Variants in MLLT3 observed in about 807,000 individuals in gnomAD.
The protein encoded by MLLT3 is MLLT3 super elongation complex subunit, also known as protein AF-9.
Under a neutral mutation model 53.2 loss-of-function variants are expected in MLLT3, and 4 were observed. The observed-to-expected ratio is 0.08, with a 90% CI of 0.04 to 0.17. The LOEUF is 0.17. MLLT3 is among the 10% of genes least tolerant of loss of function. The pLI is 1.00. For synonymous variants in MLLT3, 283 were observed against 230.6 expected (o/e 1.23, Z -2.06); for missense variants, 569 against 684.0 (o/e 0.83, Z 1.87).
intron 5 of MLLT3, among the ~76,000 whole-genome samples, chr9:20,366,383 T>G (rs1433305916): frequency 5.3e-5 from 8 of 152,222 alleles, no homozygotes; most frequent in Admixed American, 3.3e-4. Flanking sequence ...ACTCATCCTT[T>G]TTATGGCTGC....
chr9:20,583,860 C>T (rs996917900), intron 2 of MLLT3, among the ~76,000 whole-genome samples: 2 of 152,244 alleles, frequency 1.3e-5, no homozygotes, highest in African/African-American at 4.8e-5. Flanking sequence ...CTAACATGGC[C>T]TGAAGACATT....
At chr9:20,570,389 CACTT>C (rs1819504546) in intron 2 of MLLT3, among the ~76,000 whole-genome samples, 1 of 152,126 alleles carries the variant, frequency 6.6e-6, no homozygotes, top group Non-Finnish European at 1.5e-5. Flanking sequence ...TATTCACTAA[CACTT>C]AAGAGAAATG....
At chr9:20,461,986 A>G (rs185166934) in intron 2 of MLLT3, among the ~76,000 whole-genome samples, 1 of 152,092 alleles carries the variant, frequency 6.6e-6, no homozygotes, top group Admixed American at 6.5e-5. Context: ...TTCCTGCTTC[A>G]CTTCTACCAC....
chr9:20,469,473 T>C (rs964626519), intron 2 of MLLT3, among the ~76,000 whole-genome samples: 4 of 152,124 alleles, frequency 2.6e-5, no homozygotes, highest in Admixed American at 2.0e-4. Context: ...CCTGCCACTA[T>C]GCAGTCAATC....
intron 2 of MLLT3, among the ~76,000 whole-genome samples, chr9:20,585,238 G>A (rs1819921590): frequency 1.3e-5 from 2 of 152,080 alleles, no homozygotes; most frequent in South Asian, 2.1e-4. Flanking sequence ...CAACCGGGGG[G>A]CAGGCAGGCC....
At chr9:20,436,718 T>C (rs767873674) in intron 4 of MLLT3, among the ~76,000 whole-genome samples, 1 of 152,178 alleles carries the variant, frequency 6.6e-6, no homozygotes, top group Non-Finnish European at 1.5e-5. Flanking sequence ...ATTTGATGCC[T>C]TAGTTTACTC....
At chr9:20,473,219 C>T (rs1824438325) in intron 2 of MLLT3, among the ~76,000 whole-genome samples, 1 of 152,082 alleles carries the variant, frequency 6.6e-6, no homozygotes. Flanking sequence ...TTTCTTATTG[C>T]TTCAGTTACA....
chr9:20,462,167 A>G (rs768541337), intron 2 of MLLT3, among the ~76,000 whole-genome samples: 6 of 152,238 alleles, frequency 3.9e-5, no homozygotes, highest in Non-Finnish European at 8.8e-5. Flanking sequence ...AGACATTTTG[A>G]AAACAAAAAT....
At chr9:20,504,277 T>C (rs1426129102) in intron 2 of MLLT3, among the ~76,000 whole-genome samples, 1 of 152,052 alleles carries the variant, frequency 6.6e-6, no homozygotes, top group Non-Finnish European at 1.5e-5. Context: ...ATAGTCAAGA[T>C]ATGGAATCAA....
intron 6 of MLLT3, 117 bp downstream of exon 6, chr9:20,365,552 G>T: frequency 1.7e-6 from 2 of 1,171,644 alleles, no homozygotes; most frequent in Non-Finnish European, 2.5e-6. Context: ...GTTTCACCGT[G>T]TTAGCTAGGA....
At chr9:20,483,698 CTTTTTTTTTT>C (rs10538657) in intron 2 of MLLT3, among the ~76,000 whole-genome samples, 149 of 68,936 alleles carry the variant, frequency 2.2e-3, no homozygotes, top group Middle Eastern at 0.012. Context: ...CAGTAAAACT[CTTTTTTTTTT>C]TTTTTTTTTT....
chr9:20,520,285 A>G (rs543532854), intron 2 of MLLT3, among the ~76,000 whole-genome samples: 49 of 152,250 alleles, frequency 3.2e-4, no homozygotes, highest in African/African-American at 1.2e-3. Flanking sequence ...TAATCTGTAC[A>G]ACAAACCTCT....
intron 5 of MLLT3, among the ~76,000 whole-genome samples, chr9:20,383,612 ACT>A (rs1821958279): frequency 6.6e-6 from 1 of 151,968 alleles, no homozygotes; most frequent in African/African-American, 2.4e-5. Flanking sequence ...ATAAATGATG[ACT>A]AAATATTAGT....
In MLLT3 at chr9:20,620,600, A is replaced by C; in HGVS notation, c.193+54T>G. On this transcript the variant is annotated intron_variant, in intron 2 of 10. Transcript: ENST00000380338. The surrounding 1 kb of genome is among the most constrained non-coding windows in gnomAD (Gnocchi z 6.1). ...CGGGACAGCGGGACCGCCCGGGCCA[A>C]GCGATTGTTTCAAAGACATTTTTTA... 6.5e-7 allele frequency: 1 copy of C among 1,540,366 alleles called. No individual in the cohort carries two copies. The highest frequency in any genetic ancestry group is 1.2e-5 in the South Asian group (1 of 83,358).
chr9:20,378,780 T>C (rs946082261), intron 5 of MLLT3, among the ~76,000 whole-genome samples: 1 of 152,070 alleles, frequency 6.6e-6, no homozygotes, highest in African/African-American at 2.4e-5. Context: ...TCCCTCTATC[T>C]TAGTGAAAAT....
In MLLT3 at chr9:20,343,530, A is replaced by C. The variant is rs1820792555; in HGVS notation, c.*2913T>G. Reference sequence around the variant, plus strand: ...CATCCGAAGACAGAAGGAACCCCAAACCCACCAACACACATCCTGCTGCAA... The same window carrying C: ...CATCCGAAGACAGAAGGAACCCCAACCCCACCAACACACATCCTGCTGCAA... On this transcript the variant is annotated 3_prime_UTR_variant, in exon 11 of 11. Coordinates refer to ENST00000380338, the MANE Select transcript of MLLT3 (RefSeq NM_004529.4). 4.4e-6 allele frequency: 1 copy of C among 228,856 alleles called. No homozygotes were observed. The highest frequency in any genetic ancestry group is 2.2e-5 in the African/African-American group (1 of 45,060). 14.2% of individuals were successfully genotyped at this position (228,856 alleles called of 1,614,324 possible).
intron 2 of MLLT3, among the ~76,000 whole-genome samples, chr9:20,615,403 A>G: frequency 7.0e-6 from 1 of 143,736 alleles, no homozygotes; most frequent in Non-Finnish European, 1.5e-5. Flanking sequence ...AAAAGAATGG[A>G]TAGTAATAGT....
At position 20,622,382 on chromosome 9, in the gene MLLT3, C is replaced by T; in HGVS notation, c.-126G>A. ...GCGCCCAGGAGCGGAGGGTAGATGG[C>T]GGACATTCTCTGCCTTTTTCCCCCC... On this transcript the variant is annotated 5_prime_UTR_variant, in exon 1 of 11. Coordinates refer to ENST00000380338, the MANE Select transcript of MLLT3 (RefSeq NM_004529.4). 5.9e-6 allele frequency: 5 copies of T among 849,898 alleles called. No homozygotes were observed. The highest frequency in any genetic ancestry group is 4.0e-5 in the South Asian group (2 of 50,092). 52.6% of individuals were successfully genotyped at this position (849,898 alleles called of 1,614,324 possible). A position where few individuals can be genotyped will look rare whatever the true frequency, so the allele number is the denominator to read the frequency against.
At chr9:20,451,005 G>A (rs775598829) in intron 3 of MLLT3, among the ~76,000 whole-genome samples, 2 of 152,064 alleles carry the variant, frequency 1.3e-5, no homozygotes, top group Admixed American at 1.3e-4. Context: ...TCAGATATAA[G>A]TACAAAAATA....
Sources: allele counts gnomAD v4.1 joint callset (sites outside exome capture counted in the v4.1 genomes callset), GRCh38; gene constraint gnomAD v4.1.1; non-coding constraint Gnocchi (gnomAD v3.1); transcripts MANE v1.5; gene names NCBI Gene and HGNC (gene_info 2026-07-23, HGNC 2026-07-21).